Variants in ZNF106 observed in about 807,000 individuals in gnomAD.
ZNF106 encodes the protein SH3-domain binding protein 3.
In ZNF106, 67 loss-of-function variants were observed where a neutral mutation model predicts 195.1. That is an observed-to-expected ratio of 0.34 (90% CI 0.28 to 0.42). The LOEUF is 0.42. ZNF106 is among the 10% of genes least tolerant of loss of function. The probability of loss-of-function intolerance (pLI) is 1.00; values close to 1 mark genes in which losing one functional copy is unlikely to be tolerated. For synonymous variants in ZNF106, 784 were observed against 818.6 expected (o/e 0.96, Z 0.72); for missense variants, 2,118 against 2,304.5 (o/e 0.92, Z 1.66).
chr15:42,424,128 C>T (rs144109839), intron 16 of ZNF106, 68 bp from the exon 17 acceptor site: 11 of 1,350,984 alleles, frequency 8.1e-6, no homozygotes, highest in African/African-American at 2.9e-5. Context: ...ACTTGTAATA[C>T]ACATTGGCAA....
rs771710926 is a variant in ZNF106 at position 42,451,412 on chromosome 15, T to C, written c.860A>G (p.Asn287Ser). The C allele has an allele frequency of 5.0e-6, 8 of 1,614,218 alleles. No individual in the cohort carries two copies. The South Asian group carries it at 8.8e-5, about 18-fold the overall frequency. The change falls in exon 5 of 22, where the codon AAC (asparagine) becomes AGC (serine). Residue 287 changes from asparagine (N) to serine (S), a missense_variant. Asn to Ser is a conservative substitution (Grantham distance 46). Transcript: ENST00000564754. Reference protein sequence around the residue: ...CQMEDMTMLWNKKSNKSNKYS... With the variant: ...CQMEDMTMLWSKKSNKSNKYS... The stretch of plus-strand genomic sequence containing the variant: ...TTTGTTTGACTTATTAGATTTCTTG[T>C]TCCATAGCATAGTCATGTCTTCCAT...
intron 2 of ZNF106, among the ~76,000 whole-genome samples, chr15:42,469,637 T>C (rs1435952931): frequency 6.7e-6 from 1 of 150,004 alleles, no homozygotes. Flanking sequence ...AGCCTAGGAG[T>C]TCAAGATCAG....
At chr15:42,453,440 C>A (rs2056116859) in intron 4 of ZNF106, among the ~76,000 whole-genome samples, 1 of 152,178 alleles carries the variant, frequency 6.6e-6, no homozygotes, top group Non-Finnish European at 1.5e-5. Context: ...TACAAACTGC[C>A]TATGGTGTGC....
chr15:42,453,596 ATT>A (rs781562351), intron 4 of ZNF106, among the ~76,000 whole-genome samples: 35 of 139,598 alleles, frequency 2.5e-4, no homozygotes, highest in Admixed American at 3.6e-4. Context: ...TGAGGCAAGT[ATT>A]TTTTTTTTTT....
intron 2 of ZNF106, among the ~76,000 whole-genome samples, chr15:42,470,199 A>T (rs889643028): frequency 7.2e-5 from 11 of 152,162 alleles, no homozygotes; most frequent in African/African-American, 2.4e-4. Context: ...ATTTTATGTT[A>T]ATGGGCCTCA....
intron 10 of ZNF106, 29 bp from the exon 11 acceptor site, chr15:42,439,842 TC>T: frequency 4.0e-6 from 6 of 1,494,642 alleles, no homozygotes; most frequent in Non-Finnish European, 4.4e-6. Flanking sequence ...AATTATTGCA[TC>T]CTTTTTTGTG....
chr15:42,482,991 T>A (rs1369823954), intron 1 of ZNF106, among the ~76,000 whole-genome samples: 1 of 152,156 alleles, frequency 6.6e-6, no homozygotes, highest in Non-Finnish European at 1.5e-5. Flanking sequence ...CCAACAGCTG[T>A]AGTTGCTTGA....
Position 42,451,297 on chromosome 15 carries a change from T to C in ZNF106, c.975A>G (p.Thr325=). 1 of 1,614,186 alleles carries C rather than the reference T, an allele frequency of 6.2e-7. No individual in the cohort carries two copies. Among genetic ancestry groups the C allele is most frequent in the African/African-American group, 1.3e-5 (1 of 75,052 alleles). ...ATYRGPSEGF[T]SDKFPSEGLL... is the part of the protein sequence containing the mutation. Reference sequence around the variant, plus strand: ...AGCCTTCTGAAGGAAATTTATCACTTGTAAATCCTTCAGAAGGACCTCTAT... The same window carrying C: ...AGCCTTCTGAAGGAAATTTATCACTCGTAAATCCTTCAGAAGGACCTCTAT... The change falls in exon 5 of 22, where the codon ACA becomes ACG. Residue 325 remains threonine (T), a synonymous_variant. Coordinates refer to ENST00000564754, the MANE Select transcript of ZNF106 (RefSeq NM_001366845.3).
intron 1 of ZNF106, among the ~76,000 whole-genome samples, chr15:42,480,273 T>C (rs2056872098): frequency 6.6e-6 from 1 of 152,224 alleles, no homozygotes; most frequent in African/African-American, 2.4e-5. Context: ...TACATCTTTC[T>C]CATGAACTGA....
chr15:42,485,361 G>A (rs2056989891), intron 1 of ZNF106, among the ~76,000 whole-genome samples: 1 of 152,092 alleles, frequency 6.6e-6, no homozygotes, highest in South Asian at 2.1e-4. Context: ...GGTACAGCAG[G>A]TCCTCAAAAA....
chr15:42,444,112 CAAAAAAAAAAAAAAAAA>C (rs58966014), intron 9 of ZNF106, 73 bp downstream of exon 9: 5 of 246,690 alleles, frequency 2.0e-5, no homozygotes, highest in African/African-American at 1.2e-4. Flanking sequence ...ACTCTGTCTC[CAAAAAAAAAAAAAAAAA>C]AAAAAAAAAG....
Position 42,439,396 on chromosome 15 carries a change from T to A in ZNF106, c.4181A>T (p.Asp1394Val), listed in dbSNP as rs748516846. ...LRAAHVPENS[D>V]TEQDVLTVKP... ...AACAGTCAAAACATCCTGTTCAGTG[T>A]CACTATTCTCAGGAACATGGGCAGC... Residue 1394 changes from aspartate to valine, a missense_variant, in exon 11 of 22, where the codon GAC becomes GTC. Coordinates refer to ENST00000564754, the MANE Select transcript of ZNF106 (RefSeq NM_001366845.3). 6.2e-7 allele frequency: 1 copy of A among 1,614,160 alleles called. No individual in the cohort carries two copies. The highest frequency in any genetic ancestry group is 1.7e-5 in the Admixed American group (1 of 60,022).
At position 42,417,316 on chromosome 15, in the gene ZNF106, T is replaced by C. The variant is rs1357198122; in HGVS notation, c.5709A>G (p.Lys1903=). 6.2e-7 allele frequency: 1 copy of C among 1,613,928 alleles called. No individual in the cohort carries two copies. The change falls in exon 22 of 22, where the codon AAA becomes AAG. Residue 1903 remains lysine, a synonymous_variant. Transcript: ENST00000564754. ...GAGGCAAAAAACTTCATGAATCAAT[T>C]TTGCTGTCATCTTCAGCATGTCGTT... ...HIERHAEDDS[K]IDS
At chr15:42,467,092 G>A (rs1251210575) in intron 2 of ZNF106, among the ~76,000 whole-genome samples, 3 of 151,932 alleles carry the variant, frequency 2.0e-5, no homozygotes, top group Admixed American at 6.6e-5. Context: ...GAGATTGTGC[G>A]ACTGTACTCC....
At chr15:42,487,946 T>A (rs1004737580) in intron 1 of ZNF106, among the ~76,000 whole-genome samples, 1 of 152,204 alleles carries the variant, frequency 6.6e-6, no homozygotes, top group African/African-American at 2.4e-5. Flanking sequence ...AATCTGAGAA[T>A]GTTAAAGACC....
intron 1 of ZNF106, among the ~76,000 whole-genome samples, chr15:42,485,410 T>C (rs1159251799): frequency 6.6e-6 from 1 of 152,196 alleles, no homozygotes; most frequent in Non-Finnish European, 1.5e-5. Context: ...ACAACATTAA[T>C]GAGAAAAAAT....
At position 42,442,481 on chromosome 15, in the gene ZNF106, C is replaced by T. The variant is rs559414682; in HGVS notation, c.3422-67G>A. 3 of 1,351,346 alleles carry T rather than the reference C, an allele frequency of 2.2e-6. No homozygotes were observed. In the Admixed American group the frequency reaches 6.8e-5, roughly 30 times the overall value. The allele number at this position is 1,351,346 out of a possible 1,614,324, so 83.7% of individuals were successfully genotyped here. A position where few individuals can be genotyped will look rare whatever the true frequency, so the allele number is the denominator to read the frequency against. ...ATCTGAAAAGTCATTTGTGTCTGAG[C>T]TAATTTGTATTTTTAAACATTAGAA... On this transcript the variant is annotated intron_variant, in intron 9 of 21. Coordinates refer to ENST00000564754, the MANE Select transcript of ZNF106 (RefSeq NM_001366845.3).
intron 2 of ZNF106, among the ~76,000 whole-genome samples, chr15:42,469,240 C>T (rs2056608672): frequency 6.6e-6 from 1 of 152,072 alleles, no homozygotes; most frequent in African/African-American, 2.4e-5. Context: ...TTCAATTCCT[C>T]CTTGATTTAG....
intron 3 of ZNF106, among the ~76,000 whole-genome samples, chr15:42,458,106 C>T (rs2056290177): frequency 6.6e-6 from 1 of 152,080 alleles, no homozygotes; most frequent in African/African-American, 2.4e-5. Flanking sequence ...TACAAGACAG[C>T]AGTATCCATT....
Sources: allele counts gnomAD v4.1 joint callset (sites outside exome capture counted in the v4.1 genomes callset), GRCh38; gene constraint gnomAD v4.1.1; transcripts MANE v1.5; gene names NCBI Gene and HGNC (gene_info 2026-07-23, HGNC 2026-07-21).